IFT27: variants seen among roughly 807,000 people sequenced by gnomAD.
IFT27 encodes intraflagellar transport 27.
Under a neutral mutation model 23.9 loss-of-function variants are expected in IFT27, and 19 were observed. That is an observed-to-expected ratio of 0.79 (90% CI 0.55 to 1.16). The LOEUF (loss-of-function observed/expected upper bound fraction) is 1.16, where lower values mean the gene tolerates loss of function less well. Among genes scored for constraint, IFT27 ranks in the 50% most tolerant of loss-of-function variants. The pLI, the probability that IFT27 is intolerant of heterozygous loss-of-function variation, is 0.00. For synonymous variants in IFT27, 91 were observed against 89.1 expected, an observed-to-expected ratio of 1.02 and a Z score of -0.12; for missense variants, 206 against 228.7, an observed-to-expected ratio of 0.90 and a Z score of 0.64.
chr22:36,765,428 C>T (rs1036793499), intron 4 of IFT27, among the ~76,000 whole-genome samples: 8 of 152,054 alleles, frequency 5.3e-5, no homozygotes, highest in Admixed American at 5.2e-4. Context: ...GGGTGAACGT[C>T]GTGAACCGAT....
At chr22:36,758,971 A>G (rs1938004976) in intron 6 of IFT27, 1 of 154,884 alleles carries the variant, frequency 6.5e-6, no homozygotes, top group South Asian at 2.0e-4. Context: ...CACTTCCCTG[A>G]ACCAGCGGGG....
intron 1 of IFT27, among the ~76,000 whole-genome samples, chr22:36,772,151 T>C (rs1019496917): frequency 1.3e-5 from 2 of 152,224 alleles, no homozygotes; most frequent in African/African-American, 2.4e-5. Context: ...CATCTTTATC[T>C]GTGTGGCTAA....
intron 4 of IFT27, among the ~76,000 whole-genome samples, chr22:36,765,665 G>A (rs145973234): frequency 1.8e-4 from 28 of 152,344 alleles, no homozygotes; most frequent in African/African-American, 6.3e-4. Context: ...TGGGACGGGG[G>A]TGGATGGGGC....
intron 5 of IFT27, chr22:36,763,712 T>G: frequency 1.5e-6 from 1 of 656,636 alleles, no homozygotes; most frequent in Non-Finnish European, 2.8e-6. Context: ...GTGTCCTCAT[T>G]CCCGTTTCCT....
At chr22:36,759,045 G>A (rs1195838206) in intron 6 of IFT27, 1 of 152,622 alleles carries the variant, frequency 6.6e-6, no homozygotes, top group Non-Finnish European at 1.5e-5. Context: ...CCAGGAGGGT[G>A]ACGGGTCCCA....
chr22:36,775,913 G>C lies in IFT27; in HGVS notation c.-206C>G. The C allele has an allele frequency of 1.7e-6, 1 of 578,814 alleles. No individual in the cohort carries two copies. The highest frequency in any genetic ancestry group is 2.0e-5 in the South Asian group (1 of 49,840). 35.9% of individuals were successfully genotyped at this position (578,814 alleles called of 1,614,324 possible). A position where few individuals can be genotyped will look rare whatever the true frequency, so the allele number is the denominator to read the frequency against. Reference sequence around the variant, plus strand: ...GGGCGGATATCGGGCGCTGGGGGCGGGTGGGCAGGGGAGGGCTCCAGGTGG... The same window carrying C: ...GGGCGGATATCGGGCGCTGGGGGCGCGTGGGCAGGGGAGGGCTCCAGGTGG... On this transcript the variant is annotated 5_prime_UTR_variant, in exon 1 of 7. Transcript: ENST00000433985.
At chr22:36,766,278 T>G in intron 3 of IFT27, 81 bp from the exon 4 acceptor site, 1 of 1,177,944 alleles carries the variant, frequency 8.5e-7, no homozygotes, top group South Asian at 1.2e-5. Flanking sequence ...CAACTCACAC[T>G]GGACTTGTCT....
chr22:36,767,722 C>A, intron 2 of IFT27, 61 bp downstream of exon 2: 1 of 1,429,318 alleles, frequency 7.0e-7, no homozygotes, highest in South Asian at 1.1e-5. Flanking sequence ...CGAAGTCACT[C>A]ATCATGGTGA....
Position 36,775,862 on chromosome 22 carries a change from G to T in IFT27, c.-155C>A. On this transcript the variant is annotated 5_prime_UTR_variant, in exon 1 of 7. Transcript: ENST00000433985. Reference sequence around the variant, plus strand: ...CAGTGGCCGCGACGGGACTGGGGATGACCGAGCCCGGCCCTTCTGGGCCGG... The same window carrying T: ...CAGTGGCCGCGACGGGACTGGGGATTACCGAGCCCGGCCCTTCTGGGCCGG... 2.7e-6 allele frequency: 1 copy of T among 368,012 alleles called. No individual in the cohort carries two copies. Among genetic ancestry groups the T allele is most frequent in the Non-Finnish European group, 5.2e-6 (1 of 193,858 alleles). The allele number at this position is 368,012 out of a possible 1,614,324, so 22.8% of individuals were successfully genotyped here.
chr22:36,769,151 CA>C lies in IFT27; in HGVS notation c.35-1290del, dbSNP rs746498889. 2.6e-4 allele frequency among the ~76,000 whole-genome samples: 40 copies of C among 152,314 alleles called. 1 individual carries two copies. The highest frequency in any genetic ancestry group is 3.9e-4 in the Admixed American group (6 of 15,296). On this transcript the variant is annotated intron_variant, in intron 1 of 6. Transcript: ENST00000433985. ...CAGGTCCTGCTTTTCTATTTGTCAT[CA>C]CTCCTTAGAAGGGAACCAATATGTG...
chr22:36,762,714 G>A (rs565438085), intron 6 of IFT27, 190 bp downstream of exon 6: 6 of 416,580 alleles, frequency 1.4e-5, no homozygotes, highest in Middle Eastern at 6.2e-4. Flanking sequence ...TGGCTGATCT[G>A]CTTTCCTGTT....
chr22:36,773,389 C>A (rs1392886679), intron 1 of IFT27, among the ~76,000 whole-genome samples: 3 of 151,740 alleles, frequency 2.0e-5, no homozygotes, highest in Non-Finnish European at 4.4e-5. Context: ...CAGTGACTCA[C>A]GCCTGTAATC....
At chr22:36,775,467 G>A (rs1204276699) in intron 1 of IFT27, among the ~76,000 whole-genome samples, 2 of 152,186 alleles carry the variant, frequency 1.3e-5, no homozygotes, top group African/African-American at 2.4e-5. Context: ...ACAGGGAGCA[G>A]GGGGAAATCC....
chr22:36,766,630 G>C (rs1389918470), intron 3 of IFT27, among the ~76,000 whole-genome samples: 1 of 152,186 alleles, frequency 6.6e-6, no homozygotes, highest in Non-Finnish European at 1.5e-5. Flanking sequence ...GCCTGGGGAA[G>C]GTGTTTAAAG....
chr22:36,768,907 C>T (rs187605834), intron 1 of IFT27, among the ~76,000 whole-genome samples: 3 of 152,348 alleles, frequency 2.0e-5, no homozygotes, highest in Admixed American at 1.3e-4. Flanking sequence ...CACCGCCCTC[C>T]GCGGCTTCCA....
intron 1 of IFT27, among the ~76,000 whole-genome samples, chr22:36,770,153 C>T (rs544298874): frequency 9.8e-5 from 15 of 152,292 alleles, no homozygotes; most frequent in African/African-American, 1.7e-4. Flanking sequence ...GCAGGCAGGG[C>T]GCTGCAGGAC....
At chr22:36,761,653 T>C (rs1319583317) in intron 6 of IFT27, 1 of 152,250 alleles carries the variant, frequency 6.6e-6, no homozygotes, top group Non-Finnish European at 1.5e-5. Context: ...AGGGATGTAT[T>C]TTATGATCCT....
At chr22:36,767,670 C>T in intron 2 of IFT27, 113 bp downstream of exon 2, 1 of 985,140 alleles carries the variant, frequency 1.0e-6, no homozygotes. Context: ...GCCCTCTGAG[C>T]AGCCTTTCAT....
intron 1 of IFT27, among the ~76,000 whole-genome samples, chr22:36,769,862 C>G (rs1331824681): frequency 6.6e-6 from 1 of 152,214 alleles, no homozygotes; most frequent in Non-Finnish European, 1.5e-5. Context: ...AGATTCCTCA[C>G]AGATTTGTTC....
Sources: gnomAD v4.1 joint callset for allele counts (sites outside exome capture counted in the v4.1 genomes callset) on GRCh38, gnomAD v4.1.1 for gene constraint, MANE v1.5 for transcripts, NCBI Gene and HGNC (gene_info 2026-07-23, HGNC 2026-07-21) for gene names.